NREP: variants seen among roughly 807,000 people sequenced by gnomAD.
NREP encodes the protein neuronal regeneration related protein.
A neutral mutation model predicts 8.6 loss-of-function variants in NREP; 5 were observed. The observed-to-expected ratio is 0.58, with a 90% CI of 0.30 to 1.22. The LOEUF is 1.22. Among genes scored for constraint, NREP ranks in the 50% most tolerant of loss-of-function variants. The probability of loss-of-function intolerance (pLI) is 0.07; values close to 1 mark genes in which losing one functional copy is unlikely to be tolerated. For missense variants in NREP, 86 were observed against 82.5 expected (o/e 1.04, Z -0.17); for synonymous variants, 27 against 28.0 (o/e 0.96, Z 0.11).
chr5:111,752,547 G>A (rs533566730), intron 2 of NREP, among the ~76,000 whole-genome samples: 1 of 152,226 alleles, frequency 6.6e-6, no homozygotes, highest in African/African-American at 2.4e-5. Context: ...CTTTAAACAA[G>A]GAAACCTTAT....
Position 111,850,656 on chromosome 5 carries a change from T to C in NREP, c.136-115149A>G, listed in dbSNP as rs564581402. 1.2e-3 allele frequency among the ~76,000 whole-genome samples: 185 copies of C among 152,260 alleles called. 1 individual carries two copies. The highest frequency in any genetic ancestry group is 2.1e-3 in the Non-Finnish European group (141 of 67,996). On this transcript the variant is annotated intron_variant, in intron 2 of 3. Coordinates refer to the NREP transcript ENST00000395634. ...GACAGTTATATTCGGTTCTTCCTAT[T>C]ATTGTTGCCAGTTTTCAATTGAGCC...
chr5:111,838,488 A>C (rs1249726945), intron 2 of NREP, among the ~76,000 whole-genome samples: 1 of 152,140 alleles, frequency 6.6e-6, no homozygotes, highest in Non-Finnish European at 1.5e-5. Flanking sequence ...CAAACACTTT[A>C]AGAAAAGGAA....
At chr5:111,946,332 G>A (rs1328736193) in intron 2 of NREP, among the ~76,000 whole-genome samples, 2 of 151,786 alleles carry the variant, frequency 1.3e-5, no homozygotes, top group African/African-American at 2.4e-5. Context: ...ATCACAAATG[G>A]CAAATGTTTG....
At chr5:111,734,889 C>G in intron 3 of NREP, 2 of 431,272 alleles carry the variant, frequency 4.6e-6, no homozygotes, top group Non-Finnish European at 4.1e-6. Context: ...ATGCTAAAAT[C>G]TAAAATATAA....
chr5:111,869,996 T>C (rs951878156), intron 2 of NREP, among the ~76,000 whole-genome samples: 1 of 152,190 alleles, frequency 6.6e-6, no homozygotes, highest in African/African-American at 2.4e-5. Context: ...AGTGTTATAT[T>C]GTGTATATGC....
intron 2 of NREP, among the ~76,000 whole-genome samples, chr5:111,812,651 T>C (rs1752296685): frequency 6.6e-6 from 1 of 152,160 alleles, no homozygotes. Context: ...CACACCAATA[T>C]TAAGTATTTG....
chr5:111,774,865 G>A (rs1218796246), intron 2 of NREP, among the ~76,000 whole-genome samples: 1 of 152,188 alleles, frequency 6.6e-6, no homozygotes, highest in Non-Finnish European at 1.5e-5. Context: ...GCAGATTTAT[G>A]AGATAAAGTA....
intron 2 of NREP, among the ~76,000 whole-genome samples, chr5:111,834,315 A>T (rs1752843143): frequency 1.3e-5 from 2 of 152,324 alleles, no homozygotes; most frequent in East Asian, 3.9e-4. Flanking sequence ...AACTAGGGAG[A>T]TTCATTATCA....
chr5:111,821,223 AT>A (rs1340622989), intron 2 of NREP, among the ~76,000 whole-genome samples: 1 of 152,186 alleles, frequency 6.6e-6, no homozygotes, highest in Non-Finnish European at 1.5e-5. Context: ...TTAGATTCTC[AT>A]GCTTTCTTTG....
At chr5:111,774,612 T>C (rs549917408) in intron 2 of NREP, among the ~76,000 whole-genome samples, 1 of 152,226 alleles carries the variant, frequency 6.6e-6, no homozygotes, top group South Asian at 2.1e-4. Context: ...GGAGGGGCAA[T>C]ATAACTGGCA....
At chr5:111,913,122 G>A (rs1327090361) in intron 2 of NREP, among the ~76,000 whole-genome samples, 1 of 152,008 alleles carries the variant, frequency 6.6e-6, no homozygotes, top group Non-Finnish European at 1.5e-5. Context: ...GAAGGTAAGT[G>A]TTAGTATCCA....
At chr5:111,970,496 T>G (rs562156537) in intron 2 of NREP, among the ~76,000 whole-genome samples, 16 of 152,158 alleles carry the variant, frequency 1.1e-4, no homozygotes, top group African/African-American at 3.9e-4. Context: ...CCCCACCACC[T>G]CATCACGCAT....
chr5:111,817,809 A>C (rs1455368890), intron 2 of NREP, among the ~76,000 whole-genome samples: 1 of 151,144 alleles, frequency 6.6e-6, no homozygotes, highest in Non-Finnish European at 1.5e-5. Context: ...CATCTCAAAA[A>C]AAAAAAAAAA....
At chr5:111,872,986 G>C (rs919598512) in intron 2 of NREP, among the ~76,000 whole-genome samples, 1 of 152,098 alleles carries the variant, frequency 6.6e-6, no homozygotes, top group African/African-American at 2.4e-5. Flanking sequence ...CAGGGATAAG[G>C]CATTCCCATT....
chr5:111,735,491 A>G lies in NREP; in HGVS notation c.20T>C (p.Leu7Pro), dbSNP rs775070398. The G allele has an allele frequency of 1.9e-6, 3 of 1,612,240 alleles. No individual in the cohort carries two copies. The highest frequency in any genetic ancestry group is 2.5e-6 in the Non-Finnish European group (3 of 1,178,690). Residue 7 changes from leucine to proline, a missense_variant, in exon 3 of 4, where the codon CTC (leucine) becomes CCC (proline). Transcript: ENST00000257435. MVYYPE[L>P]FVWVSQEPFP... ...TGGTTCTTGACTGACCCAGACAAAGAGTTCTGGGTAATAAACCTATAGAGA... is the reference window on the plus strand; with the variant it reads ...TGGTTCTTGACTGACCCAGACAAAGGGTTCTGGGTAATAAACCTATAGAGA...
chr5:111,872,216 A>G (rs1466086812), intron 2 of NREP, among the ~76,000 whole-genome samples: 1 of 152,136 alleles, frequency 6.6e-6, no homozygotes, highest in Non-Finnish European at 1.5e-5. Flanking sequence ...AGAGGCCAGC[A>G]TATCAGGTAT....
chr5:111,783,803 G>A lies in NREP; in HGVS notation c.136-48296C>T, dbSNP rs1398500793. 2.0e-5 allele frequency among the ~76,000 whole-genome samples: 3 copies of A among 152,200 alleles called. No homozygotes were observed. In the East Asian group the frequency reaches 5.8e-4, roughly 29 times the overall value. On this transcript the variant is annotated intron_variant, in intron 2 of 3. Transcript: ENST00000395634. ...CTGTCTGCCTTTAGATAGAGACTCT[G>A]TCTTACTCACCTTTTATCCCTAAAC...
intron 2 of NREP, among the ~76,000 whole-genome samples, chr5:111,886,444 C>T (rs1754251022): frequency 6.6e-6 from 1 of 152,148 alleles, no homozygotes; most frequent in African/African-American, 2.4e-5. Context: ...ACTAGAAATA[C>T]TATTTGACCC....
intron 2 of NREP, among the ~76,000 whole-genome samples, chr5:111,947,441 AAG>A (rs199797103): frequency 0.02 from 3,107 of 152,058 alleles, 56 homozygotes; most frequent in African/African-American, 0.052. Context: ...GACTTTGAAA[AAG>A]AGTTCATGTT....
Sources: allele counts gnomAD v4.1 joint callset (sites outside exome capture counted in the v4.1 genomes callset), GRCh38; gene constraint gnomAD v4.1.1; transcripts MANE v1.5; gene names NCBI Gene and HGNC (gene_info 2026-07-23, HGNC 2026-07-21).